The following SNRPA variants were observed in gnomAD, a reference collection of about 807,000 sequenced individuals.
The protein encoded by SNRPA is U1 small nuclear ribonucleoprotein A.
A neutral mutation model predicts 24.5 loss-of-function variants in SNRPA; 10 were observed. That is an observed-to-expected ratio of 0.41 (90% confidence interval 0.25 to 0.69). The LOEUF is 0.69. Ranked by LOEUF, SNRPA falls within the 30% of genes least tolerant of loss-of-function variation. The pLI is 0.33. For missense variants in SNRPA, 283 were observed against 394.7 expected (o/e 0.72, Z 2.40); for synonymous variants, 165 against 148.4 (o/e 1.11, Z -0.81).
chr19:40,765,353 G>A lies in SNRPA; in HGVS notation c.*186G>A. 3 of 379,258 alleles carry A rather than the reference G, an allele frequency of 7.9e-6. No individual in the cohort carries two copies. The highest frequency in any genetic ancestry group is 9.4e-6 in the Non-Finnish European group (2 of 213,126). 23.5% of individuals were successfully genotyped at this position (379,258 alleles called of 1,614,324 possible). ...CATTGCACCTGGCGCTGTTAGGCCG[G>A]AATTAAAGTGGCTTTTTGAGGTTTG... On this transcript the variant is annotated 3_prime_UTR_variant, in exon 6 of 6. Coordinates refer to ENST00000243563, the MANE Select transcript of SNRPA (RefSeq NM_004596.5).
At chr19:40,763,213 C>A (rs2082940559) in intron 4 of SNRPA, 139 bp downstream of exon 4, 1 of 649,208 alleles carries the variant, frequency 1.5e-6, no homozygotes, top group Non-Finnish European at 2.6e-6. Context: ...GAGGAAGTAG[C>A]AGTGGGGGTG....
intron 3 of SNRPA, 29 bp downstream of exon 3, chr19:40,759,639 C>T (rs765880355): frequency 1.3e-6 from 2 of 1,573,446 alleles, no homozygotes; most frequent in South Asian, 2.3e-5. Context: ...ACCAACCCTC[C>T]CACTGCCAGA....
rs1412473630 is a variant in SNRPA at position 40,751,438 on chromosome 19, C to A, written c.30C>A (p.His10Gln). Residue 10 changes from histidine (H) to glutamine (Q), a missense_variant, in exon 1 of 6, where the codon CAC becomes CAA. By Grantham distance (24) the His-to-Gln change is conservative (BLOSUM62 0). Coordinates refer to ENST00000243563, the MANE Select transcript of SNRPA (RefSeq NM_004596.5). ...CAGTTCCCGAGACCCGCCCTAACCA[C>A]ACTATTTATATCAACAACCTCAATG... MAVPETRPNHTIYINNLNEK... is the reference protein window; with the variant it reads MAVPETRPNQTIYINNLNEK... The A allele has an allele frequency of 6.2e-7, 1 of 1,613,688 alleles. No homozygotes were observed. The highest frequency in any genetic ancestry group is 1.7e-5 in the Admixed American group (1 of 60,002).
intron 1 of SNRPA, among the ~76,000 whole-genome samples, chr19:40,756,715 G>A (rs2082909965): frequency 6.6e-6 from 1 of 152,188 alleles, no homozygotes; most frequent in Non-Finnish European, 1.5e-5. Flanking sequence ...ACCATGACAG[G>A]AGGTGGGAAA....
At chr19:40,756,216 C>G (rs1317446115) in intron 1 of SNRPA, among the ~76,000 whole-genome samples, 1 of 151,556 alleles carries the variant, frequency 6.6e-6, no homozygotes, top group African/African-American at 2.4e-5. Flanking sequence ...CTGTAGTAAG[C>G]TACCATCATG....
rs573903835 is a variant in SNRPA at position 40,754,559 on chromosome 19, A to G, written c.74-2773A>G. 7.9e-5 allele frequency among the ~76,000 whole-genome samples: 12 copies of G among 152,344 alleles called. No individual in the cohort carries two copies. In the South Asian group the frequency reaches 2.5e-3, roughly 32 times the overall value. On this transcript the variant is annotated intron_variant, in intron 1 of 5. Coordinates refer to ENST00000243563, the MANE Select transcript of SNRPA (RefSeq NM_004596.5). The stretch of plus-strand genomic sequence containing the variant: ...AGACATTTTGGAGAGCCTGCCAGGT[A>G]CAGTAAGCAGTATTTATGTTACACT...
Position 40,751,264 on chromosome 19 carries a change from C to G in SNRPA, c.-145C>G, listed in dbSNP as rs944718258. 1 of 698,524 alleles carries G rather than the reference C, an allele frequency of 1.4e-6. No individual in the cohort carries two copies. The highest frequency in any genetic ancestry group is 1.6e-5 in the South Asian group (1 of 63,516). 43.3% of individuals were successfully genotyped at this position (698,524 alleles called of 1,614,324 possible). The stretch of plus-strand genomic sequence containing the variant: ...ACGCTTTGTTGTCGCGCTTTGCCTC[C>G]GTCCTTGCCCCTACTCCCGCCTTAC... On this transcript the variant is annotated 5_prime_UTR_variant, in exon 1 of 6. Coordinates refer to ENST00000243563, the MANE Select transcript of SNRPA (RefSeq NM_004596.5).
Position 40,762,920 on chromosome 19 carries a change from A to C in SNRPA, c.446A>C (p.Gln149Pro), listed in dbSNP as rs1454281429. Residue 149 changes from glutamine (Q) to proline (P), a missense_variant, in exon 4 of 6, where the codon CAG becomes CCG. This residue lies in a region of SNRPA where 167 missense variants were observed against 174.3 expected (regional missense o/e 0.96). Coordinates refer to ENST00000243563, the MANE Select transcript of SNRPA (RefSeq NM_004596.5). Reference protein sequence around the residue: ...GPVPGMPPMTQAPRIMHHMPG... With the variant: ...GPVPGMPPMTPAPRIMHHMPG... ...CCACAGGGCATGCCGCCGATGACTC[A>C]GGCGCCCCGCATTATGCACCACATG... The C allele has an allele frequency of 1.2e-6, 2 of 1,613,584 alleles. No individual in the cohort carries two copies. Among genetic ancestry groups the C allele is most frequent in the Non-Finnish European group, 1.7e-6 (2 of 1,179,890 alleles).
intron 5 of SNRPA, among the ~76,000 whole-genome samples, chr19:40,764,104 CAG>C (rs777680436): frequency 4.7e-5 from 7 of 148,000 alleles, no homozygotes; most frequent in Non-Finnish European, 8.8e-5. Context: ...TGCCTGGCGT[CAG>C]GGTGGAGGCC....
At chr19:40,762,322 TTC>T (rs2082936310) in intron 3 of SNRPA, among the ~76,000 whole-genome samples, 1 of 151,730 alleles carries the variant, frequency 6.6e-6, no homozygotes, top group East Asian at 1.9e-4. Context: ...GTTCAAGTGA[TTC>T]TCCTGCCTCA....
Position 40,759,563 on chromosome 19 carries a change from G to A in SNRPA, c.379G>A (p.Gly127Ser). Residue 127 changes from glycine (G) to serine (S), a missense_variant, in exon 3 of 6, where the codon GGC (glycine) becomes AGC (serine). Gly to Ser is a moderately conservative substitution (Grantham distance 56). Transcript: ENST00000243563. ...CCCGGCCACCAAGAAGGCTGTGCAA[G>A]GCGGGGGAGCCACCCCCGTGGTGGG... ...ETPATKKAVQ[G>S]GGATPVVGAV... 6.2e-7 allele frequency: 1 copy of A among 1,613,808 alleles called. No homozygotes were observed. Among genetic ancestry groups the A allele is most frequent in the Non-Finnish European group, 8.5e-7 (1 of 1,179,954 alleles).
chr19:40,760,940 TTTTTG>T (rs928645889), intron 3 of SNRPA, among the ~76,000 whole-genome samples: 1 of 151,984 alleles, frequency 6.6e-6, no homozygotes, highest in African/African-American at 2.4e-5. Context: ...CCTTGTCTCT[TTTTTG>T]TTTTGTTTTG....
chr19:40,764,686 GA>G, intron 5 of SNRPA, among the ~76,000 whole-genome samples: 1 of 152,240 alleles, frequency 6.6e-6, no homozygotes, highest in African/African-American at 2.4e-5. Context: ...AATAAAAATG[GA>G]AAAAGTGAGG....
chr19:40,751,633 A>C, intron 1 of SNRPA, 152 bp downstream of exon 1: 1 of 665,006 alleles, frequency 1.5e-6, no homozygotes, highest in South Asian at 1.6e-5. Flanking sequence ...TGTCTTCAAC[A>C]CTCCATTAGT....
At chr19:40,752,921 G>A (rs992531557) in intron 1 of SNRPA, among the ~76,000 whole-genome samples, 1 of 152,138 alleles carries the variant, frequency 6.6e-6, no homozygotes, top group Non-Finnish European at 1.5e-5. Flanking sequence ...AAACCTTGCA[G>A]TATTTCTTTT....
At chr19:40,754,147 A>C (rs1020313216) in intron 1 of SNRPA, among the ~76,000 whole-genome samples, 11 of 123,608 alleles carry the variant, frequency 8.9e-5, no homozygotes, top group Non-Finnish European at 4.8e-5. Flanking sequence ...TCTGTTGCCC[A>C]GGCTGGAATG....
chr19:40,753,552 A>G (rs2082895103), intron 1 of SNRPA, among the ~76,000 whole-genome samples: 2 of 149,942 alleles, frequency 1.3e-5, no homozygotes, highest in South Asian at 2.1e-4. Context: ...ACCCGCCACC[A>G]CGCCTGGCTA....
chr19:40,756,203 G>C (rs2082907828), intron 1 of SNRPA, among the ~76,000 whole-genome samples: 1 of 151,714 alleles, frequency 6.6e-6, no homozygotes, highest in Non-Finnish European at 1.5e-5. Context: ...TGGGAGGTCA[G>C]GCCTGTAGTA....
intron 3 of SNRPA, among the ~76,000 whole-genome samples, chr19:40,761,877 G>C (rs1196731327): frequency 6.6e-6 from 1 of 152,086 alleles, no homozygotes; most frequent in African/African-American, 2.4e-5. Flanking sequence ...AAAGCACCGA[G>C]TACAAAAGAA....
Sources: allele counts gnomAD v4.1 joint callset (sites outside exome capture counted in the v4.1 genomes callset), GRCh38; gene constraint gnomAD v4.1.1; regional missense constraint gnomAD v4.1.1; transcripts MANE v1.5; gene names NCBI Gene and HGNC (gene_info 2026-07-23, HGNC 2026-07-21).